Variants in CC2D2B observed in about 807,000 individuals in gnomAD.
CC2D2B encodes the protein protein CC2D2B.
CC2D2B carries 128 observed loss-of-function variants against 161.2 expected under a neutral mutation model. That is an observed-to-expected ratio of 0.79 (90% CI 0.69 to 0.92). The LOEUF (loss-of-function observed/expected upper bound fraction) is 0.92, where lower values mean the gene tolerates loss of function less well. Among genes scored for constraint, CC2D2B ranks in the 40% least tolerant of loss-of-function variants. CC2D2B has a pLI of 0.00. For missense variants in CC2D2B, 1,173 were observed against 1,375.1 expected (o/e 0.85, Z 2.32); for synonymous variants, 391 against 449.8 (o/e 0.87, Z 1.65).
At chr10:95,929,572 A>G (rs942435390) in intron 6 of CC2D2B, among the ~76,000 whole-genome samples, 4 of 152,148 alleles carry the variant, frequency 2.6e-5, no homozygotes, top group Non-Finnish European at 5.9e-5. Context: ...TAATTTTTGT[A>G]TAAGGTGTAA....
intron 14 of CC2D2B, among the ~76,000 whole-genome samples, chr10:95,968,163 C>T (rs1401176170): frequency 1.3e-5 from 2 of 152,112 alleles, no homozygotes; most frequent in Admixed American, 6.6e-5. Flanking sequence ...GGTGGCCTCC[C>T]CACTGTCCTG....
intron 9 of CC2D2B, among the ~76,000 whole-genome samples, chr10:95,942,186 G>A (rs2141289520): frequency 6.6e-6 from 1 of 152,210 alleles, no homozygotes; most frequent in South Asian, 2.1e-4. Flanking sequence ...ATAGGGAGTT[G>A]CTGTTCAAAG....
intron 26 of CC2D2B, among the ~76,000 whole-genome samples, chr10:96,010,450 G>A (rs186814686): frequency 6.6e-6 from 1 of 152,246 alleles, no homozygotes; most frequent in Non-Finnish European, 1.5e-5. Flanking sequence ...TTGACATCTC[G>A]ACGCCATGCC....
intron 22 of CC2D2B, among the ~76,000 whole-genome samples, chr10:95,993,794 TAG>T (rs1231100063): frequency 1.5e-5 from 2 of 137,890 alleles, no homozygotes; most frequent in African/African-American, 5.3e-5. Context: ...TATATATATA[TAG>T]AGAGAGAGAA....
At chr10:95,924,510 A>G (rs2098534629) in intron 4 of CC2D2B, 120 bp downstream of exon 4, 1 of 590,266 alleles carries the variant, frequency 1.7e-6, no homozygotes, top group Non-Finnish European at 3.0e-6. Flanking sequence ...CTTAATTCCT[A>G]AAGTCTTCCT....
intron 5 of CC2D2B, among the ~76,000 whole-genome samples, chr10:95,926,814 C>CTGTGTGTGTG (rs1564585963): frequency 4.2e-5 from 2 of 47,720 alleles, no homozygotes; most frequent in African/African-American, 2.0e-4. Flanking sequence ...GCTGAGGTGG[C>CTGTGTGTGTG]AGTGTGTGTG....
At chr10:95,950,471 G>A in intron 10 of CC2D2B, 1 of 153,210 alleles carries the variant, frequency 6.5e-6, no homozygotes, top group Non-Finnish European at 1.4e-5. Flanking sequence ...AAGAGTCTTG[G>A]TCTGAAGATG....
At chr10:95,947,091 AT>A (rs2076229065) in intron 9 of CC2D2B, among the ~76,000 whole-genome samples, 3 of 29,562 alleles carry the variant, frequency 1.0e-4, no homozygotes, top group African/African-American at 6.7e-4. Flanking sequence ...AAATATATAT[AT>A]ATATATATAT....
Position 96,031,860 on chromosome 10 carries a change from A to C in CC2D2B, c.4166A>C (p.Gln1389Pro). 6.2e-7 allele frequency: 1 copy of C among 1,613,784 alleles called. No individual in the cohort carries two copies. The highest frequency in any genetic ancestry group is 8.5e-7 in the Non-Finnish European group (1 of 1,179,736). Residue 1389 changes from glutamine to proline, a missense_variant, in exon 35 of 35, where the codon CAG becomes CCG. Gln to Pro is a moderately conservative substitution (Grantham distance 76). Coordinates refer to ENST00000646931, the MANE Select transcript of CC2D2B (RefSeq NM_001349008.3). ...FPIQMPYIDV[Q>P]SIIDAVYQTG... ...ATCCAGATGCCATACATTGATGTACAGTCAATTATTGATGCTGTTTATCAA... is the reference window on the plus strand; with the variant it reads ...ATCCAGATGCCATACATTGATGTACCGTCAATTATTGATGCTGTTTATCAA...
At chr10:95,926,335 A>G (rs1242124465) in intron 5 of CC2D2B, among the ~76,000 whole-genome samples, 3 of 152,156 alleles carry the variant, frequency 2.0e-5, no homozygotes, top group Admixed American at 6.6e-5. Context: ...AGAAGATTTC[A>G]GCAAGTGATT....
rs534010424 is a variant in CC2D2B, at chr10:95,995,589, CA to C, written c.2739+225del. On this transcript the variant is annotated intron_variant, in intron 23 of 34. Coordinates refer to ENST00000646931, the MANE Select transcript of CC2D2B (RefSeq NM_001349008.3). ...CTCCTTAAAATGGCTACAAAATCTT[CA>C]GGCATCTGGCCCATGCCTACAATCA... is the stretch of plus-strand genomic sequence containing the variant. Among the ~76,000 whole-genome samples the C allele has an allele frequency of 2.0e-5, 3 of 152,340 alleles. No individual in the cohort carries two copies. In the South Asian group the frequency reaches 6.2e-4, roughly 32 times the overall value.
At chr10:96,025,192 AATAT>A (rs10524712) in intron 33 of CC2D2B, among the ~76,000 whole-genome samples, 9,340 of 48,562 alleles carry the variant, frequency 0.19, 855 homozygotes, top group African/African-American at 0.26. Context: ...TATAAAAAAA[AATAT>A]ATATATATAT....
At chr10:95,942,024 G>T (rs1013607931) in intron 9 of CC2D2B, among the ~76,000 whole-genome samples, 1 of 152,150 alleles carries the variant, frequency 6.6e-6, no homozygotes, top group African/African-American at 2.4e-5. Flanking sequence ...TAAAACATGG[G>T]TGAAGCTTGA....
intron 22 of CC2D2B, among the ~76,000 whole-genome samples, chr10:95,993,381 C>A (rs1305074883): frequency 3.9e-5 from 6 of 151,998 alleles, no homozygotes; most frequent in Non-Finnish European, 7.4e-5. Flanking sequence ...AATATTTATA[C>A]CCAAATGCCT....
intron 34 of CC2D2B, among the ~76,000 whole-genome samples, chr10:96,031,143 C>A (rs921601562): frequency 6.6e-5 from 10 of 152,204 alleles, no homozygotes; most frequent in African/African-American, 2.4e-4. Context: ...TAGTAGTACA[C>A]AGGACAGATA....
Position 96,013,794 on chromosome 10 carries a change from A to T in CC2D2B, c.3433A>T (p.Ile1145Phe). The change falls in exon 29 of 35, where the codon ATT becomes TTT. Residue 1145 changes from isoleucine to phenylalanine, a missense_variant. This residue lies in a region of CC2D2B where 598 missense variants were observed against 693.2 expected (regional missense o/e 0.86). Coordinates refer to ENST00000646931, the MANE Select transcript of CC2D2B (RefSeq NM_001349008.3). ...AATGTGAATATTATTCTAGGACCTC[A>T]TTGCTCGATTTGTATCTTTGATTCC... ...LHNSNATFDL[I>F]ARFVSLIPFV... 6.3e-7 allele frequency: 1 copy of T among 1,596,796 alleles called. No individual in the cohort carries two copies. The highest frequency in any genetic ancestry group is 8.6e-7 in the Non-Finnish European group (1 of 1,168,312).
chr10:96,026,300 C>T (rs2079772048), intron 33 of CC2D2B, among the ~76,000 whole-genome samples: 1 of 152,184 alleles, frequency 6.6e-6, no homozygotes, highest in South Asian at 2.1e-4. Context: ...CCTCTCTCTC[C>T]TCCCTGGCAT....
chr10:95,983,878 C>A, intron 19 of CC2D2B, 69 bp downstream of exon 19: 1 of 669,776 alleles, frequency 1.5e-6, no homozygotes, highest in African/African-American at 1.9e-5. Flanking sequence ...TTAACCCTAT[C>A]TTAATTTATT....
At chr10:95,943,542 A>G (rs1564605114) in intron 9 of CC2D2B, among the ~76,000 whole-genome samples, 1 of 152,162 alleles carries the variant, frequency 6.6e-6, no homozygotes, top group Non-Finnish European at 1.5e-5. Context: ...TCTTAATTTT[A>G]CATATTTTCA....
Sources: gnomAD v4.1 joint callset for allele counts (sites outside exome capture counted in the v4.1 genomes callset) on GRCh38, gnomAD v4.1.1 for gene constraint, gnomAD v4.1.1 regional missense constraint, MANE v1.5 for transcripts, NCBI Gene and HGNC (gene_info 2026-07-23, HGNC 2026-07-21) for gene names.